CARMIL1: variants seen among roughly 807,000 people sequenced by gnomAD.
CARMIL1 encodes F-actin-uncapping protein LRRC16A.
A neutral mutation model predicts 177.1 loss-of-function variants in CARMIL1; 90 were observed. The observed-to-expected ratio is 0.51, with a 90% CI of 0.43 to 0.61. The LOEUF is 0.61. Ranked by LOEUF, CARMIL1 falls within the 20% of genes least tolerant of loss-of-function variation. The probability of loss-of-function intolerance (pLI) is 0.00; values close to 1 mark genes in which losing one functional copy is unlikely to be tolerated. For missense variants in CARMIL1, 1,380 were observed against 1,667.0 expected (o/e 0.83, Z 3.00); for synonymous variants, 577 against 606.2 (o/e 0.95, Z 0.71).
chr6:25,448,714 C>T (rs896136226), intron 5 of CARMIL1, among the ~76,000 whole-genome samples: 13 of 152,262 alleles, frequency 8.5e-5, no homozygotes, highest in East Asian at 5.8e-4. Flanking sequence ...GCTAGCTTTG[C>T]GAGGGCAGGG....
At chr6:25,312,763 T>C (rs1783934659) in intron 2 of CARMIL1, among the ~76,000 whole-genome samples, 1 of 151,644 alleles carries the variant, frequency 6.6e-6, no homozygotes, top group Non-Finnish European at 1.5e-5. Flanking sequence ...TTTTTTTTTT[T>C]CCCTGAGAAA....
At chr6:25,449,217 A>AT (rs1378396909) in intron 5 of CARMIL1, among the ~76,000 whole-genome samples, 9 of 152,170 alleles carry the variant, frequency 5.9e-5, no homozygotes, top group African/African-American at 1.9e-4. Flanking sequence ...TACTATTATC[A>AT]TTTTTTCTCA....
At chr6:25,391,108 T>C (rs1792774550) in intron 2 of CARMIL1, among the ~76,000 whole-genome samples, 1 of 152,240 alleles carries the variant, frequency 6.6e-6, no homozygotes, top group South Asian at 2.1e-4. Flanking sequence ...GTTTCCTTCA[T>C]AAGAGATAGT....
rs1267788675 is a variant in CARMIL1, at chr6:25,550,924, C to T, written c.2343C>T (p.Ser781=). Reference sequence around the variant, plus strand: ...CTGCATTGCAGGCGTTGCTTGAGTCCATGGTTGATGCTGCTGAGAATCTTT... The same window carrying T: ...CTGCATTGCAGGCGTTGCTTGAGTCTATGGTTGATGCTGCTGAGAATCTTT... The part of the protein sequence containing the change: ...VDEQLKALLE[S]MVDAAENLCP... Residue 781 remains serine (S), a synonymous_variant, in exon 27 of 37, where the codon TCC becomes TCT. Transcript: ENST00000329474. 4.3e-6 allele frequency: 7 copies of T among 1,613,276 alleles called. No individual in the cohort carries two copies. The highest frequency in any genetic ancestry group is 5.9e-6 in the Non-Finnish European group (7 of 1,179,460).
At chr6:25,397,077 A>G (rs1793470415) in intron 2 of CARMIL1, among the ~76,000 whole-genome samples, 2 of 152,210 alleles carry the variant, frequency 1.3e-5, no homozygotes, top group Non-Finnish European at 2.9e-5. Flanking sequence ...GGGGATACCA[A>G]GATGAAGATC....
At chr6:25,562,713 GCCCTAAA>G (rs1811239373) in intron 29 of CARMIL1, among the ~76,000 whole-genome samples, 1 of 152,122 alleles carries the variant, frequency 6.6e-6, no homozygotes, top group African/African-American at 2.4e-5. Context: ...ACCTCCCAGA[GCCCTAAA>G]GCTCCCAGTA....
Position 25,429,697 on chromosome 6 carries a change from C to G in CARMIL1, c.249+3137C>G, listed in dbSNP as rs186514107. Among the ~76,000 whole-genome samples, 117 of 152,042 alleles carry G rather than the reference C, an allele frequency of 7.7e-4. 1 individual carries two copies. The highest frequency in any genetic ancestry group is 3.4e-4 in the Non-Finnish European group (23 of 67,954). On this transcript the variant is annotated intron_variant, in intron 4 of 36. Coordinates refer to ENST00000329474, the MANE Select transcript of CARMIL1 (RefSeq NM_017640.6). ...ATCAGGAATTAGTGTTGGATTTTGG[C>G]AAATGTTTTTTCTCTGTCTGTTGAG...
At chr6:25,507,445 T>C (rs1224378453) in intron 17 of CARMIL1, 1 of 152,620 alleles carries the variant, frequency 6.6e-6, no homozygotes, top group Non-Finnish European at 1.5e-5. Flanking sequence ...CTGCTGATAA[T>C]GGTTTCTGTT....
At chr6:25,324,791 G>A (rs902814387) in intron 2 of CARMIL1, among the ~76,000 whole-genome samples, 58 of 152,118 alleles carry the variant, frequency 3.8e-4, no homozygotes, top group African/African-American at 1.4e-3. Flanking sequence ...AGGGAAGGGG[G>A]GGTGTTTAGT....
intron 2 of CARMIL1, among the ~76,000 whole-genome samples, chr6:25,347,078 T>C (rs1410918812): frequency 1.3e-5 from 2 of 152,248 alleles, no homozygotes; most frequent in African/African-American, 4.8e-5. Flanking sequence ...CAACTTAACA[T>C]GCTGTTTCAA....
chr6:25,289,911 A>T lies in CARMIL1; in HGVS notation c.138+5002A>T, dbSNP rs73392397. 9.2e-5 allele frequency among the ~76,000 whole-genome samples: 14 copies of T among 152,304 alleles called. No homozygotes were observed. The East Asian group carries it at 2.7e-3, about 29-fold the overall frequency. ...TTTGTGTACAGATTTTTGAGTGAAC[A>T]TACTTTTCCTTGCTCTGTGATAAAT... On this transcript the variant is annotated intron_variant, in intron 2 of 36. Coordinates refer to ENST00000329474, the MANE Select transcript of CARMIL1 (RefSeq NM_017640.6).
intron 17 of CARMIL1, among the ~76,000 whole-genome samples, chr6:25,505,913 C>T (rs1428852231): frequency 1.3e-5 from 2 of 152,186 alleles, no homozygotes; most frequent in African/African-American, 2.4e-5. Flanking sequence ...TTAATTATAG[C>T]TGTGGCTTAG....
At chr6:25,404,822 C>T (rs1794222301) in intron 2 of CARMIL1, among the ~76,000 whole-genome samples, 1 of 146,888 alleles carries the variant, frequency 6.8e-6, no homozygotes, top group Non-Finnish European at 1.5e-5. Context: ...TAATGCCAAA[C>T]TGGGGCACCC....
intron 35 of CARMIL1, among the ~76,000 whole-genome samples, chr6:25,607,729 T>A (rs372345861): frequency 6.0e-4 from 92 of 152,226 alleles, no homozygotes; most frequent in African/African-American, 1.8e-3. Context: ...TTCTTTCCCA[T>A]GTTCCGTCAC....
At chr6:25,519,982 T>C (rs2769702) in intron 22 of CARMIL1, among the ~76,000 whole-genome samples, 65,776 of 151,970 alleles carry the variant, frequency 0.43, 14,634 homozygotes, top group Middle Eastern at 0.52. Context: ...GAATCCAAAA[T>C]TAAAAACAAA....
rs572845345 is a variant in CARMIL1 at position 25,326,990 on chromosome 6, A to G, written c.138+42081A>G. On this transcript the variant is annotated intron_variant, in intron 2 of 36. Transcript: ENST00000329474. This position sits in a 1 kb window ranked among gnomAD's most constrained non-coding sequence, Gnocchi z 4.2. Reference sequence around the variant, plus strand: ...TGAACACATTGCGTTTGGAGTGTTCATGAAATGTCCAAGTGAAGATGTTGG... The same window carrying G: ...TGAACACATTGCGTTTGGAGTGTTCGTGAAATGTCCAAGTGAAGATGTTGG... Among the ~76,000 whole-genome samples, 2 of 152,258 alleles carry G rather than the reference A, an allele frequency of 1.3e-5. No homozygotes were observed. Among genetic ancestry groups the G allele is most frequent in the African/African-American group, 4.8e-5 (2 of 41,536 alleles).
intron 2 of CARMIL1, among the ~76,000 whole-genome samples, chr6:25,292,379 T>C (rs986848893): frequency 2.0e-5 from 3 of 152,192 alleles, no homozygotes; most frequent in African/African-American, 4.8e-5. Context: ...AGAACGTGCA[T>C]TGTTGCCAAG....
intron 8 of CARMIL1, chr6:25,451,986 G>GCCCCGCCC (rs1798976498): frequency 8.6e-6 from 1 of 115,900 alleles, no homozygotes; most frequent in Non-Finnish European, 1.7e-5. Context: ...CTAGCATCTT[G>GCCCCGCCC]CCCCCCCCTC....
intron 2 of CARMIL1, among the ~76,000 whole-genome samples, chr6:25,349,140 A>G (rs1787846415): frequency 6.6e-6 from 1 of 152,212 alleles, no homozygotes; most frequent in Admixed American, 6.5e-5. Context: ...GGCAGGGCGC[A>G]AGGTGGGAAC....
Sources: gnomAD v4.1 joint callset for allele counts (sites outside exome capture counted in the v4.1 genomes callset) on GRCh38, gnomAD v4.1.1 for gene constraint, Gnocchi (gnomAD v3.1) non-coding constraint, MANE v1.5 for transcripts, NCBI Gene and HGNC (gene_info 2026-07-23, HGNC 2026-07-21) for gene names.